The following TAMM41 variants were observed in gnomAD, a reference collection of about 807,000 sequenced individuals.
TAMM41 encodes phosphatidate cytidylyltransferase, mitochondrial.
Under a neutral mutation model 44.1 loss-of-function variants are expected in TAMM41, and 36 were observed. The observed-to-expected ratio is 0.82, with a 90% CI of 0.63 to 1.08. TAMM41 has a LOEUF of 1.08. Ranked by LOEUF, TAMM41 falls within the 50% of genes least tolerant of loss-of-function variation. The pLI is 0.00. For synonymous variants in TAMM41, 164 were observed against 153.1 expected (o/e 1.07, Z -0.53); for missense variants, 417 against 404.3 (o/e 1.03, Z -0.27).
chr3:11,722,888 G>T, the TAMM41 span, among the ~76,000 whole-genome samples: 1 of 152,180 alleles, frequency 6.6e-6, no homozygotes, highest in African/African-American at 2.4e-5. Flanking sequence ...AGAATTGTTT[G>T]AACCCGGGAG....
At chr3:11,818,109 C>A (rs2078355456) in intron 4 of TAMM41, among the ~76,000 whole-genome samples, 1 of 152,202 alleles carries the variant, frequency 6.6e-6, no homozygotes, top group Admixed American at 6.5e-5. Flanking sequence ...TCACAAGAGG[C>A]TGGACACACG....
Position 11,804,996 on chromosome 3 carries a change from C to CTT in TAMM41, c.937+2835_937+2836dup, listed in dbSNP as rs1156555980. ...CGGGCGCGCACCACCACGCCCAGCC[C>CTT]TTTTTTTTTTTTTTTTTTTTTTTTT... On this transcript the variant is annotated intron_variant, in intron 7 of 7. Transcript: ENST00000455809. 1.7e-3 allele frequency among the ~76,000 whole-genome samples: 171 copies of CTT among 103,064 alleles called. 6 individuals carry two copies. The highest frequency in any genetic ancestry group is 5.5e-3 in the Middle Eastern group (1 of 182). 67.6% of individuals were successfully genotyped at this position (103,064 alleles called of 152,430 possible). A position where few individuals can be genotyped will look rare whatever the true frequency, so the allele number is the denominator to read the frequency against.
chr3:11,743,016 TA>T, the TAMM41 span, among the ~76,000 whole-genome samples: 627 of 152,232 alleles, frequency 4.1e-3, 3 homozygotes, highest in African/African-American at 0.014. Context: ...CTGGGGAGTG[TA>T]GGCCCCCCCA....
chr3:11,808,560 G>A (rs970028526), intron 6 of TAMM41: 8 of 985,346 alleles, frequency 8.1e-6, no homozygotes, highest in Admixed American at 6.1e-5. Flanking sequence ...TATCTGGCAC[G>A]CGGAGGAGCT....
chr3:11,809,464 G>A, intron 6 of TAMM41, 53 bp downstream of exon 6: 3 of 1,596,380 alleles, frequency 1.9e-6, no homozygotes, highest in East Asian at 4.5e-5. Context: ...CACAAACAAA[G>A]TCTGCTTTTC....
chr3:11,727,433 A>G, the TAMM41 span, among the ~76,000 whole-genome samples: 3 of 152,148 alleles, frequency 2.0e-5, no homozygotes, highest in Admixed American at 6.5e-5. Context: ...TTCACAGTGC[A>G]CTGAGAAGCA....
chr3:11,809,333 T>C, intron 6 of TAMM41, 184 bp downstream of exon 6: 1 of 636,898 alleles, frequency 1.6e-6, no homozygotes, highest in Non-Finnish European at 2.7e-6. Context: ...ATTTTCACCA[T>C]CTTACTTCAA....
intron 5 of TAMM41, among the ~76,000 whole-genome samples, chr3:11,816,233 T>G (rs1414135693): frequency 6.6e-6 from 1 of 151,274 alleles, no homozygotes. Context: ...AAAAAAAACC[T>G]TTGGCCCGGC....
chr3:11,817,836 G>A (rs191228172), intron 4 of TAMM41, among the ~76,000 whole-genome samples: 1 of 152,272 alleles, frequency 6.6e-6, no homozygotes, highest in East Asian at 1.9e-4. Context: ...AGGCTTAAAA[G>A]TTCTGTAAGA....
chr3:11,812,855 G>T (rs2078134862), intron 5 of TAMM41, among the ~76,000 whole-genome samples: 1 of 152,120 alleles, frequency 6.6e-6, no homozygotes, highest in Non-Finnish European at 1.5e-5. Context: ...GGGCCACCCT[G>T]TCTAGATAAG....
At chr3:11,845,207 G>A (rs753623903) in intron 1 of TAMM41, 6 of 345,260 alleles carry the variant, frequency 1.7e-5, no homozygotes, top group Non-Finnish European at 3.4e-5. Context: ...AGGGACTAAG[G>A]GGGTGGGGGA....
chr3:11,782,043 T>A, the TAMM41 span, among the ~76,000 whole-genome samples: 2 of 150,924 alleles, frequency 1.3e-5, no homozygotes, highest in Non-Finnish European at 3.0e-5. Flanking sequence ...TGTCTTTAGC[T>A]GCATGGCCAG....
At chr3:11,723,602 CA>C in the TAMM41 span, among the ~76,000 whole-genome samples, 20 of 137,856 alleles carry the variant, frequency 1.5e-4, no homozygotes, top group South Asian at 4.7e-4. Flanking sequence ...AAAACAAAAA[CA>C]AAAAAAAAAC....
chr3:11,779,424 G>A, the TAMM41 span, among the ~76,000 whole-genome samples: 1 of 152,196 alleles, frequency 6.6e-6, no homozygotes, highest in Non-Finnish European at 1.5e-5. Context: ...AGCTTTTCAT[G>A]AGAGAGCCAG....
chr3:11,788,972 GAAAGAA>G (rs1204192878), downstream of TAMM41, among the ~76,000 whole-genome samples: 6 of 151,844 alleles, frequency 4.0e-5, no homozygotes, highest in African/African-American at 1.5e-4. Flanking sequence ...AAAAAAGAAA[GAAAGAA>G]AAAGAAAAAG....
intron 5 of TAMM41, among the ~76,000 whole-genome samples, chr3:11,815,059 C>A (rs2078229972): frequency 6.6e-6 from 1 of 152,130 alleles, no homozygotes; most frequent in Non-Finnish European, 1.5e-5. Context: ...AAATTATCTC[C>A]ACCCTAGAAT....
chr3:11,757,155 C>T, the TAMM41 span, among the ~76,000 whole-genome samples: 2 of 152,222 alleles, frequency 1.3e-5, no homozygotes, highest in East Asian at 1.9e-4. Context: ...TGAGCTGAAT[C>T]TGTGTGCATA....
the TAMM41 span, among the ~76,000 whole-genome samples, chr3:11,743,664 T>C: frequency 0.67 from 101,697 of 151,740 alleles, 35,232 homozygotes; most frequent in African/African-American, 0.85. Flanking sequence ...TATTTTCTGC[T>C]TATATAAGTT....
chr3:11,815,728 T>A (rs1575650077), intron 5 of TAMM41, among the ~76,000 whole-genome samples: 1 of 151,580 alleles, frequency 6.6e-6, no homozygotes, highest in East Asian at 1.9e-4. Context: ...TGTAAGACGG[T>A]AAAAAAAATC....
Sources: allele counts gnomAD v4.1 joint callset (sites outside exome capture counted in the v4.1 genomes callset), GRCh38; gene constraint gnomAD v4.1.1; transcripts MANE v1.5; gene names NCBI Gene and HGNC (gene_info 2026-07-23, HGNC 2026-07-21).